The following ACACA variants were observed in gnomAD, a reference collection of about 807,000 sequenced individuals.
The protein encoded by ACACA is acetyl-CoA carboxylase 1.
Under a neutral mutation model 296.1 loss-of-function variants are expected in ACACA, and 103 were observed. The ratio of observed to expected loss-of-function variants is 0.35; its 90% confidence interval spans 0.30 to 0.41. The LOEUF is 0.41. Ranked by LOEUF, ACACA falls within the 10% of genes least tolerant of loss-of-function variation. The pLI is 1.00. For synonymous variants in ACACA, 953 were observed against 1,038.6 expected (o/e 0.92, Z 1.58); for missense variants, 1,554 against 2,989.7 (o/e 0.52, Z 11.20).
Position 37,240,962 on chromosome 17 carries a change from G to T in ACACA, c.3033-398C>A, listed in dbSNP as rs541828337. On this transcript the variant is annotated intron_variant, in intron 23 of 55. Coordinates refer to ENST00000616317, the MANE Select transcript of ACACA (RefSeq NM_198834.3). ...AATCCCAGAACTTTGGGAGGCCAAG[G>T]CAGGAGGATCACTTGAGTCTAGGAG... Among the ~76,000 whole-genome samples the T allele has an allele frequency of 5.6e-4, 85 of 152,156 alleles. 1 individual carries two copies. Among genetic ancestry groups the T allele is most frequent in the Admixed American group, 3.8e-3 (58 of 15,268 alleles).
intron 1 of ACACA, among the ~76,000 whole-genome samples, chr17:37,374,770 A>C (rs1357953545): frequency 4.5e-4 from 69 of 152,318 alleles, no homozygotes; most frequent in Non-Finnish European, 8.8e-5. Context: ...ACAACCTCTC[A>C]GCCCAATGGT....
intron 38 of ACACA, 89 bp from the exon 39 acceptor site, chr17:37,188,569 T>TAAA: frequency 9.0e-7 from 1 of 1,116,204 alleles, no homozygotes; most frequent in Non-Finnish European, 1.2e-6. Flanking sequence ...AAAGAAGGGG[T>TAAA]AAAAAAAAAA....
intron 10 of ACACA, among the ~76,000 whole-genome samples, chr17:37,268,741 C>CTATCTATCTATCTATATA (rs1219982787): frequency 4.2e-5 from 4 of 94,508 alleles, no homozygotes; most frequent in African/African-American, 1.2e-4. Flanking sequence ...ATCTATCTAT[C>CTATCTATCTATCTATATA]TATATATATA....
At chr17:37,183,963 C>CCGAGTAGCT (rs1201051603) in intron 39 of ACACA, among the ~76,000 whole-genome samples, 5 of 150,546 alleles carry the variant, frequency 3.3e-5, no homozygotes, top group African/African-American at 1.2e-4. Context: ...AGTAATTCTC[C>CCGAGTAGCT]TGTCTCAGCC....
intron 1 of ACACA, among the ~76,000 whole-genome samples, chr17:37,357,366 G>A (rs574433067): frequency 2.0e-5 from 3 of 152,104 alleles, no homozygotes; most frequent in Non-Finnish European, 2.9e-5. Flanking sequence ...AGTGGCGCAC[G>A]CGTGTAATCC....
chr17:37,182,169 C>A (rs1443344064), intron 39 of ACACA, among the ~76,000 whole-genome samples: 1 of 152,034 alleles, frequency 6.6e-6, no homozygotes, highest in African/African-American at 2.4e-5. Context: ...AGTCCTTTAA[C>A]CCACTTGATT....
intron 54 of ACACA, among the ~76,000 whole-genome samples, chr17:37,093,648 C>T (rs960855733): frequency 2.0e-5 from 3 of 152,118 alleles, no homozygotes; most frequent in Non-Finnish European, 4.4e-5. Flanking sequence ...CATGTGTGTG[C>T]CACGACACCG....
intron 3 of ACACA, among the ~76,000 whole-genome samples, chr17:37,326,497 C>G (rs923044460): frequency 2.0e-5 from 3 of 151,568 alleles, no homozygotes; most frequent in Non-Finnish European, 4.4e-5. Flanking sequence ...CACCATTACA[C>G]TCCAGCCTGG....
chr17:37,222,903 T>A (rs968725576), intron 28 of ACACA, among the ~76,000 whole-genome samples: 2 of 152,204 alleles, frequency 1.3e-5, no homozygotes, highest in African/African-American at 4.8e-5. Flanking sequence ...GTCTTTGGAG[T>A]CAGATTAGCC....
chr17:37,299,161 CCTT>C, intron 3 of ACACA: 1 of 1,037,592 alleles, frequency 9.6e-7, no homozygotes. Context: ...AAAAAAATAG[CCTT>C]CATTTTTTAA....
Position 37,385,373 on chromosome 17 carries a change from T to G in ACACA, c.38+20889A>C, listed in dbSNP as rs1422565262. 3.9e-5 allele frequency among the ~76,000 whole-genome samples: 6 copies of G among 152,060 alleles called. No homozygotes were observed. The East Asian group carries it at 9.6e-4, about 24-fold the overall frequency. ...CTGTAGTCTCAGCTACTTGGGAGGC[T>G]GAGGCACGAGAATCATTTTAACCTG... On this transcript the variant is annotated intron_variant, in intron 1 of 55. Coordinates refer to ENST00000616317, the MANE Select transcript of ACACA (RefSeq NM_198834.3).
At chr17:37,168,916 G>T (rs8071315) in intron 41 of ACACA, among the ~76,000 whole-genome samples, 12 of 152,094 alleles carry the variant, frequency 7.9e-5, no homozygotes, top group African/African-American at 2.9e-4. Flanking sequence ...AGAACAGTGC[G>T]TATCAGCTAA....
At chr17:37,153,073 G>T (rs2076105582) in intron 43 of ACACA, among the ~76,000 whole-genome samples, 1 of 152,144 alleles carries the variant, frequency 6.6e-6, no homozygotes, top group African/African-American at 2.4e-5. Context: ...CCTTAAGGGG[G>T]TTAATTAACT....
rs367990507 is a variant in ACACA, at chr17:37,130,401, A to G, written c.5680-183T>C. 3.9e-5 allele frequency among the ~76,000 whole-genome samples: 6 copies of G among 152,292 alleles called. No individual in the cohort carries two copies. In the East Asian group the frequency reaches 7.7e-4, roughly 20 times the overall value. The stretch of plus-strand genomic sequence containing the variant: ...AAAAAGAAAACTTAGAAAACAAAAA[A>G]TATGAGATTGACGCGCTGCCAGCTG... On this transcript the variant is annotated intron_variant, in intron 45 of 55. Transcript: ENST00000616317.
intron 27 of ACACA, 93 bp downstream of exon 27, chr17:37,224,899 A>G (rs1197827489): frequency 7.7e-6 from 4 of 517,382 alleles, no homozygotes; most frequent in Non-Finnish European, 1.3e-5. Flanking sequence ...TTAATTAATT[A>G]AGTGACTAAT....
At chr17:37,128,021 T>C (rs1310217167) in intron 47 of ACACA, among the ~76,000 whole-genome samples, 52 of 29,814 alleles carry the variant, frequency 1.7e-3, no homozygotes, top group Admixed American at 0.011. Flanking sequence ...TGAAACTCCA[T>C]CTCAAAAAAA....
intron 3 of ACACA, among the ~76,000 whole-genome samples, chr17:37,329,185 C>T (rs1267340955): frequency 6.6e-6 from 1 of 152,160 alleles, no homozygotes. Flanking sequence ...AACTTCCTGA[C>T]AATCTGATGA....
intron 2 of ACACA, among the ~76,000 whole-genome samples, chr17:37,335,100 T>C (rs2048054959): frequency 6.6e-6 from 1 of 152,064 alleles, no homozygotes; most frequent in African/African-American, 2.4e-5. Context: ...ATAGCACCCC[T>C]GGCCCCTACA....
At chr17:37,187,786 T>C (rs2077594245) in intron 39 of ACACA, among the ~76,000 whole-genome samples, 1 of 152,180 alleles carries the variant, frequency 6.6e-6, no homozygotes. Context: ...TAGATAAATA[T>C]GATAGACACT....
Sources: gnomAD v4.1 joint callset for allele counts (sites outside exome capture counted in the v4.1 genomes callset) on GRCh38, gnomAD v4.1.1 for gene constraint, MANE v1.5 for transcripts, NCBI Gene and HGNC (gene_info 2026-07-23, HGNC 2026-07-21) for gene names.